TLL2: variants seen among roughly 807,000 people sequenced by gnomAD.
TLL2 encodes tolloid-like protein 2.
In TLL2, 106 loss-of-function variants were observed where a neutral mutation model predicts 123.0. The observed-to-expected ratio is 0.86, with a 90% CI of 0.74 to 1.01. The LOEUF (loss-of-function observed/expected upper bound fraction) is 1.01, where lower values mean the gene tolerates loss of function less well. Among genes scored for constraint, TLL2 ranks in the 50% least tolerant of loss-of-function variants. The probability of loss-of-function intolerance (pLI) is 0.00; values close to 1 mark genes in which losing one functional copy is unlikely to be tolerated. For missense variants in TLL2, 1,332 were observed against 1,336.7 expected, an observed-to-expected ratio of 1.00 and a Z score of 0.06; for synonymous variants, 494 against 516.8, an observed-to-expected ratio of 0.96 and a Z score of 0.60.
In TLL2 at chr10:96,396,581, C is replaced by CTTTT. The variant is rs1177349566; in HGVS notation, c.1385-565_1385-562dup. 2.6e-3 allele frequency among the ~76,000 whole-genome samples: 329 copies of CTTTT among 125,214 alleles called. 2 individuals carry two copies. The highest frequency in any genetic ancestry group is 5.3e-3 in the South Asian group (20 of 3,762). 82.1% of individuals were successfully genotyped at this position (125,214 alleles called of 152,430 possible). A position where few individuals can be genotyped will look rare whatever the true frequency, so the allele number is the denominator to read the frequency against. The stretch of plus-strand genomic sequence containing the variant: ...TAATTTTCTGGTAGTTTTCCCCTTT[C>CTTTT]TTTTTTTTTTTTTTTTTTTGGTAGA... On this transcript the variant is annotated intron_variant, in intron 11 of 20. Coordinates refer to ENST00000357947, the MANE Select transcript of TLL2 (RefSeq NM_012465.4).
At position 96,513,502 on chromosome 10, in the gene TLL2, G is replaced by C; in HGVS notation, c.175+9C>G. Reference sequence around the variant, plus strand: ...ACTTCTGCGGGACTTCCCCAGCGGCGGCACCTACCGGCTTTGCAAGGGTCG... The same window carrying C: ...ACTTCTGCGGGACTTCCCCAGCGGCCGCACCTACCGGCTTTGCAAGGGTCG... On this transcript the variant is annotated intron_variant, in intron 1 of 20. Transcript: ENST00000357947. 6.2e-7 allele frequency: 1 copy of C among 1,611,786 alleles called. No individual in the cohort carries two copies. The highest frequency in any genetic ancestry group is 8.5e-7 in the Non-Finnish European group (1 of 1,179,412).
intron 19 of TLL2, among the ~76,000 whole-genome samples, chr10:96,372,186 T>C (rs1311924883): frequency 6.6e-6 from 1 of 152,164 alleles, no homozygotes; most frequent in Admixed American, 6.5e-5. Flanking sequence ...CTCAGGGAGT[T>C]TGACAGGGTT....
intron 1 of TLL2, among the ~76,000 whole-genome samples, chr10:96,496,307 T>C (rs1564919293): frequency 6.6e-6 from 1 of 152,212 alleles, no homozygotes; most frequent in Non-Finnish European, 1.5e-5. Flanking sequence ...TTGAGACCTA[T>C]TTGCCACCTA....
At chr10:96,442,819 G>A (rs536238775) in intron 3 of TLL2, among the ~76,000 whole-genome samples, 21 of 152,368 alleles carry the variant, frequency 1.4e-4, no homozygotes, top group Non-Finnish European at 2.8e-4. Flanking sequence ...TCCCAGTCCA[G>A]AGGTAGATGA....
intron 2 of TLL2, among the ~76,000 whole-genome samples, chr10:96,458,735 C>T (rs1269749086): frequency 2.0e-5 from 3 of 151,858 alleles, no homozygotes; most frequent in African/African-American, 7.3e-5. Context: ...CGTGCCACTG[C>T]ACTCCAGCCT....
At chr10:96,455,079 T>A (rs1426093267) in intron 2 of TLL2, among the ~76,000 whole-genome samples, 1 of 151,906 alleles carries the variant, frequency 6.6e-6, no homozygotes, top group East Asian at 1.9e-4. Flanking sequence ...GTAAAAAAAT[T>A]AACTAAAGAT....
chr10:96,389,517 G>C (rs903879479), intron 13 of TLL2, among the ~76,000 whole-genome samples: 22 of 152,240 alleles, frequency 1.4e-4, no homozygotes, highest in Non-Finnish European at 2.6e-4. Flanking sequence ...GGATGGGCCA[G>C]TGGAGGAAGA....
In TLL2 at chr10:96,385,954, T is replaced by C. The variant is rs1045813756; in HGVS notation, c.2013+101A>G. 3.1e-6 allele frequency: 4 copies of C among 1,284,122 alleles called. No individual in the cohort carries two copies. In the African/African-American group the frequency reaches 6.1e-5, roughly 19 times the overall value. The allele number at this position is 1,284,122 out of a possible 1,614,324, so 79.5% of individuals were successfully genotyped here. A position where few individuals can be genotyped will look rare whatever the true frequency, so the allele number is the denominator to read the frequency against. ...GTCCTAAGACTGTCCAAAGCTTCAG[T>C]CAACACAAGCCATCTCCCTGCCCTC... On this transcript the variant is annotated intron_variant, in intron 15 of 20. Transcript: ENST00000357947.
chr10:96,462,814 G>A (rs1175052231), intron 2 of TLL2, among the ~76,000 whole-genome samples: 3 of 152,158 alleles, frequency 2.0e-5, no homozygotes, highest in African/African-American at 7.2e-5. Flanking sequence ...TAGGAACACC[G>A]CTAGTCAGCA....
chr10:96,403,888 T>G (rs1273842101), intron 10 of TLL2, among the ~76,000 whole-genome samples: 1 of 152,122 alleles, frequency 6.6e-6, no homozygotes, highest in Non-Finnish European at 1.5e-5. Flanking sequence ...TGCTGCCTTG[T>G]TATTCTTTAC....
chr10:96,467,319 G>A (rs763557462), intron 2 of TLL2, among the ~76,000 whole-genome samples: 24 of 152,080 alleles, frequency 1.6e-4, no homozygotes, highest in Non-Finnish European at 2.8e-4. Flanking sequence ...TGGAAATCCC[G>A]GGCTCAAGCA....
chr10:96,391,486 C>T (rs971573398), intron 13 of TLL2, among the ~76,000 whole-genome samples: 1 of 152,206 alleles, frequency 6.6e-6, no homozygotes, highest in East Asian at 1.9e-4. Context: ...AAAAATTCCA[C>T]CCCCTTCACG....
At chr10:96,384,463 G>GAT (rs950202882) in intron 16 of TLL2, 124 bp downstream of exon 16, 1 of 1,026,992 alleles carries the variant, frequency 9.7e-7, no homozygotes, top group Non-Finnish European at 1.4e-6. Context: ...CTCCAAGGCA[G>GAT]CCATACCTGG....
At chr10:96,415,090 A>G (rs574260073) in intron 7 of TLL2, among the ~76,000 whole-genome samples, 2 of 152,300 alleles carry the variant, frequency 1.3e-5, no homozygotes, top group Non-Finnish European at 1.5e-5. Context: ...TTTTTTGCTT[A>G]GAACGCTTCA....
At position 96,432,150 on chromosome 10, in the gene TLL2, T is replaced by C. The variant is rs116711591; in HGVS notation, c.520+657A>G. On this transcript the variant is annotated intron_variant, in intron 4 of 20. Coordinates refer to ENST00000357947, the MANE Select transcript of TLL2 (RefSeq NM_012465.4). ...TCACATATTTTAAAGATAATATTAA[T>C]ATCAGATACATACTAATTACTGTGT... 2.0e-3 allele frequency among the ~76,000 whole-genome samples: 299 copies of C among 152,278 alleles called. 1 individual carries two copies. Among genetic ancestry groups the C allele is most frequent in the African/African-American group, 6.8e-3 (284 of 41,544 alleles).
chr10:96,373,123 G>A (rs10882784), intron 19 of TLL2: 21,750 of 153,884 alleles, frequency 0.14, 1,598 homozygotes, highest in South Asian at 0.23. Context: ...TTTTCCCTTT[G>A]GTTGCTGATG....
chr10:96,459,684 AAAAAAAAAAAAAAAAAAAAAAATATAT>A (rs1847054361), intron 2 of TLL2, among the ~76,000 whole-genome samples: 1 of 54,138 alleles, frequency 1.8e-5, no homozygotes, highest in Non-Finnish European at 3.7e-5. Context: ...AAAAAAAAAA[AAAAAAAAAAAAAAAAAAAAAAATATAT>A]ATATATATAT....
chr10:96,391,100 C>T (rs763815405), intron 13 of TLL2, among the ~76,000 whole-genome samples: 4 of 152,144 alleles, frequency 2.6e-5, no homozygotes, highest in Non-Finnish European at 5.9e-5. Flanking sequence ...CAGTGTTGCA[C>T]GAGGCTGTGG....
rs1168867301 is a variant in TLL2, at chr10:96,376,724, T to C, written c.2416A>G (p.Ile806Val). The part of the protein sequence containing the change: ...YPSRRECTWN[I>V]SSTAGHRVKL... ...ACTCTGTGGCCTGCAGTCGAAGAGA[T>C]GTTCCAGGTACACTCCCTCCGGCTG... Residue 806 changes from isoleucine to valine, a missense_variant, in exon 18 of 21, where the codon ATC (isoleucine) becomes GTC (valine). By Grantham distance (29) the Ile-to-Val change is conservative. Transcript: ENST00000357947. 1 of 1,609,990 alleles carries C rather than the reference T, an allele frequency of 6.2e-7. No individual in the cohort carries two copies. Among genetic ancestry groups the C allele is most frequent in the Non-Finnish European group, 8.5e-7 (1 of 1,178,388 alleles).
Sources: allele counts gnomAD v4.1 joint callset (sites outside exome capture counted in the v4.1 genomes callset), GRCh38; gene constraint gnomAD v4.1.1; transcripts MANE v1.5; gene names NCBI Gene and HGNC (gene_info 2026-07-23, HGNC 2026-07-21).